CPSF2: variants seen among roughly 807,000 people sequenced by gnomAD.
CPSF2 encodes cleavage and polyadenylation specificity factor subunit 2.
Under a neutral mutation model 84.2 loss-of-function variants are expected in CPSF2, and 51 were observed. That is an observed-to-expected ratio of 0.61 (90% CI 0.48 to 0.77). The LOEUF is 0.77. CPSF2 is among the 30% of genes least tolerant of loss of function. The pLI is 0.00. For missense variants in CPSF2, 641 were observed against 929.4 expected (o/e 0.69, Z 4.03); for synonymous variants, 286 against 311.9 (o/e 0.92, Z 0.87).
chr14:92,143,354 G>A (rs2069103920), intron 9 of CPSF2, 60 bp downstream of exon 9: 2 of 1,142,732 alleles, frequency 1.8e-6, no homozygotes, highest in African/African-American at 1.5e-5. Context: ...TGTGCATGAT[G>A]TAAAAAAATA....
At chr14:92,144,680 T>C (rs971581814) in intron 9 of CPSF2, among the ~76,000 whole-genome samples, 11 of 152,254 alleles carry the variant, frequency 7.2e-5, no homozygotes, top group Non-Finnish European at 4.4e-5. Flanking sequence ...TTTATGTTTC[T>C]GAAGTTAAAC....
At chr14:92,122,705 A>C (rs2068789641) in intron 1 of CPSF2, among the ~76,000 whole-genome samples, 1 of 144,502 alleles carries the variant, frequency 6.9e-6, no homozygotes, top group African/African-American at 2.6e-5. Flanking sequence ...TTGACTTCGT[A>C]CTATTTTACG....
Position 92,138,367 on chromosome 14 carries a change from CTTATTA to C in CPSF2, c.661+32_661+37del, listed in dbSNP as rs557268674. On this transcript the variant is annotated intron_variant, in intron 7 of 15. Coordinates refer to ENST00000298875, the MANE Select transcript of CPSF2 (RefSeq NM_017437.3). ...TTCTGAGTACGTATTCTTTCACGTC[CTTATTA>C]TTATTATTATTTTGTAACTTTTTGT... The C allele has an allele frequency of 2.5e-4, 284 of 1,158,774 alleles. 4 individuals are homozygous for C. In the South Asian group the frequency reaches 3.2e-3, roughly 13 times the overall value. 71.8% of individuals were successfully genotyped at this position (1,158,774 alleles called of 1,614,324 possible).
rs1424092620 is a variant in CPSF2 at position 92,167,597 on chromosome 14, T to G, written c.*5853T>G. On this transcript the variant is annotated 3_prime_UTR_variant, in exon 16 of 16. Transcript: ENST00000298875. Reference sequence around the variant, plus strand: ...CTGCATTATTGCTTTGGTTCCCTAGTGTACATTCACTTTGCTTAGGAGTGA... The same window carrying G: ...CTGCATTATTGCTTTGGTTCCCTAGGGTACATTCACTTTGCTTAGGAGTGA... 6.6e-6 allele frequency: 1 copy of G among 151,896 alleles called. No individual in the cohort carries two copies. Among genetic ancestry groups the G allele is most frequent in the African/African-American group, 2.4e-5 (1 of 41,422 alleles). The allele number at this position is 151,896 out of a possible 1,614,324, so 9.4% of individuals were successfully genotyped here.
At chr14:92,132,108 T>A (rs2068939750) in intron 3 of CPSF2, among the ~76,000 whole-genome samples, 1 of 152,126 alleles carries the variant, frequency 6.6e-6, no homozygotes, top group Non-Finnish European at 1.5e-5. Flanking sequence ...TATCCTCTCC[T>A]TAATAATTTC....
chr14:92,144,380 T>A (rs2069118408), intron 9 of CPSF2, among the ~76,000 whole-genome samples: 1 of 152,202 alleles, frequency 6.6e-6, no homozygotes. Context: ...CCTGTAACCT[T>A]CTTATGGCTG....
chr14:92,124,407 A>T (rs1324192114), intron 1 of CPSF2, among the ~76,000 whole-genome samples: 2 of 152,180 alleles, frequency 1.3e-5, no homozygotes, highest in Non-Finnish European at 2.9e-5. Flanking sequence ...GACATAAAGG[A>T]GGTCAGAGAG....
chr14:92,146,697 C>T (rs2069148763), intron 9 of CPSF2, among the ~76,000 whole-genome samples: 1 of 151,686 alleles, frequency 6.6e-6, no homozygotes, highest in Non-Finnish European at 1.5e-5. Context: ...TTTAAACATT[C>T]ATCATTTCAT....
intron 2 of CPSF2, among the ~76,000 whole-genome samples, chr14:92,127,755 C>T (rs558578307): frequency 4.6e-5 from 7 of 152,240 alleles, no homozygotes; most frequent in South Asian, 2.1e-4. Context: ...ATGGGATCAA[C>T]GGCACACATA....
intron 6 of CPSF2, among the ~76,000 whole-genome samples, chr14:92,136,438 CTG>C (rs2068999860): frequency 6.6e-6 from 1 of 152,172 alleles, no homozygotes. Context: ...AACTGACAAA[CTG>C]TGTCTGCCAC....
At chr14:92,140,820 G>C (rs2069068680) in intron 7 of CPSF2, among the ~76,000 whole-genome samples, 2 of 152,010 alleles carry the variant, frequency 1.3e-5, no homozygotes, top group African/African-American at 4.8e-5. Context: ...AGGCTGGGGT[G>C]GGAGGATTGC....
intron 6 of CPSF2, among the ~76,000 whole-genome samples, chr14:92,137,362 A>G (rs1015498146): frequency 1.3e-5 from 2 of 152,242 alleles, no homozygotes; most frequent in African/African-American, 4.8e-5. Context: ...GGTGCGCTCT[A>G]ACATGCCTGG....
chr14:92,139,819 G>A (rs966010330), intron 7 of CPSF2, among the ~76,000 whole-genome samples: 6 of 152,016 alleles, frequency 3.9e-5, no homozygotes, highest in South Asian at 2.1e-4. Flanking sequence ...GATTACAGGC[G>A]TAAACCACTG....
intron 9 of CPSF2, among the ~76,000 whole-genome samples, chr14:92,150,070 T>G (rs2069193094): frequency 6.6e-6 from 1 of 152,148 alleles, no homozygotes; most frequent in Non-Finnish European, 1.5e-5. Context: ...GTATGTTTAT[T>G]TGAGTCGTGA....
At chr14:92,143,878 C>T (rs1218449229) in intron 9 of CPSF2, among the ~76,000 whole-genome samples, 1 of 152,132 alleles carries the variant, frequency 6.6e-6, no homozygotes, top group Non-Finnish European at 1.5e-5. Context: ...CTCTAGTTTA[C>T]CCAGAGGGTA....
In CPSF2 at chr14:92,149,165, T is replaced by C. The variant is rs145672007; in HGVS notation, c.1141-5193T>C. Among the ~76,000 whole-genome samples, 530 of 152,340 alleles carry C rather than the reference T, an allele frequency of 3.5e-3. 5 individuals carry two copies. The highest frequency in any genetic ancestry group is 0.01 in the Middle Eastern group (3 of 294). ...CTTTTCACTGTGCCTACATTTGTAC[T>C]GATGAGTAAGATCAGTGGTGCATAA... is the stretch of plus-strand genomic sequence containing the variant. On this transcript the variant is annotated intron_variant, in intron 9 of 15. Transcript: ENST00000298875.
Position 92,131,093 on chromosome 14 carries a change from G to C in CPSF2, c.109G>C (p.Asp37His), listed in dbSNP as rs762366166. ...EFRFLLDCGWDEHFSMDIIDS... is the reference protein window; with the variant it reads ...EFRFLLDCGWHEHFSMDIIDS... ...TAGATTTTTATTGGACTGTGGCTGG[G>C]ATGAGCACTTTTCTATGGATATTAT... The change falls in exon 3 of 16, where the codon GAT becomes CAT. Residue 37 changes from aspartate to histidine, a missense_variant. Transcript: ENST00000298875. 1.9e-6 allele frequency: 3 copies of C among 1,612,606 alleles called. No homozygotes were observed. The highest frequency in any genetic ancestry group is 2.5e-6 in the Non-Finnish European group (3 of 1,179,372).
intron 6 of CPSF2, among the ~76,000 whole-genome samples, chr14:92,137,208 C>A (rs1027335662): frequency 7.2e-5 from 11 of 151,854 alleles, no homozygotes; most frequent in South Asian, 2.1e-4. Context: ...TATTATTATT[C>A]TTATTTATAT....
chr14:92,122,559 C>A (rs1308837662), intron 1 of CPSF2, among the ~76,000 whole-genome samples: 1 of 152,226 alleles, frequency 6.6e-6, no homozygotes, highest in Non-Finnish European at 1.5e-5. Flanking sequence ...ACCGCTTAGG[C>A]GTCCTTTTAG....
Sources: gnomAD v4.1 joint callset for allele counts (sites outside exome capture counted in the v4.1 genomes callset) on GRCh38, gnomAD v4.1.1 for gene constraint, MANE v1.5 for transcripts, NCBI Gene and HGNC (gene_info 2026-07-23, HGNC 2026-07-21) for gene names.